ACP3: variants seen among roughly 807,000 people sequenced by gnomAD.
ACP3 encodes acid phosphatase 3.
Under a neutral mutation model 45.6 loss-of-function variants are expected in ACP3, and 38 were observed. The ratio of observed to expected loss-of-function variants is 0.83; its 90% confidence interval spans 0.64 to 1.09. ACP3 has a LOEUF of 1.09. Among genes scored for constraint, ACP3 ranks in the 50% least tolerant of loss-of-function variants. ACP3 has a pLI of 0.00. For synonymous variants in ACP3, 162 were observed against 164.7 expected (o/e 0.98, Z 0.13); for missense variants, 466 against 463.2 (o/e 1.01, Z -0.05).
At chr3:132,354,685 CA>C (rs1937838209) in intron 9 of ACP3, among the ~76,000 whole-genome samples, 1 of 152,158 alleles carries the variant, frequency 6.6e-6, no homozygotes, top group Admixed American at 6.5e-5. Context: ...GATTTTCAAC[CA>C]TCTTAAATAC....
In ACP3 at chr3:132,328,303, T is replaced by C. The variant is rs773049144; in HGVS notation, c.157T>C (p.Phe53Leu). Residue 53 changes from phenylalanine (F) to leucine (L), a missense_variant, in exon 2 of 10, where the codon TTT becomes CTT. By Grantham distance (22) the Phe-to-Leu change is conservative. Transcript: ENST00000336375. ...RHGDRSPIDTFPTDPIKESSW... is the reference protein window; with the variant it reads ...RHGDRSPIDTLPTDPIKESSW... ...TGGAGACCGAAGTCCCATTGACACC[T>C]TTCCCACTGACCCCATAAAGGAATC... The C allele has an allele frequency of 6.2e-7, 1 of 1,613,950 alleles. No homozygotes were observed. The highest frequency in any genetic ancestry group is 1.1e-5 in the South Asian group (1 of 91,084).
intron 7 of ACP3, among the ~76,000 whole-genome samples, chr3:132,346,684 T>G (rs574706366): frequency 2.6e-5 from 4 of 152,188 alleles, no homozygotes; most frequent in Non-Finnish European, 4.4e-5. Flanking sequence ...CTCAGCCTCA[T>G]TTCTGGCCCA....
intron 6 of ACP3, among the ~76,000 whole-genome samples, chr3:132,343,788 G>A (rs550373587): frequency 9.2e-5 from 14 of 152,174 alleles, no homozygotes; most frequent in African/African-American, 2.4e-4. Flanking sequence ...TTCATTTAAC[G>A]CATATTTACC....
intron 6 of ACP3, among the ~76,000 whole-genome samples, chr3:132,342,877 C>T (rs1480098026): frequency 6.7e-6 from 1 of 150,290 alleles, no homozygotes; most frequent in Non-Finnish European, 1.5e-5. Context: ...AGCAAAATTG[C>T]TTTTCTTCTA....
Position 132,324,189 on chromosome 3 carries a change from G to C in ACP3, c.121-4078G>C, listed in dbSNP as rs1315406879. ...GCCAAGATCATGCCATTGCACTCCA[G>C]CCTGGGCAACAAGAGCAGGACTCCA... is the stretch of plus-strand genomic sequence containing the variant. On this transcript the variant is annotated intron_variant, in intron 1 of 9. Coordinates refer to ENST00000336375, the MANE Select transcript of ACP3 (RefSeq NM_001099.5). Among the ~76,000 whole-genome samples, 16 of 143,450 alleles carry C rather than the reference G, an allele frequency of 1.1e-4. 2 individuals are homozygous for C. The highest frequency in any genetic ancestry group is 2.9e-4 in the Admixed American group (4 of 13,974). The allele number at this position is 143,450 out of a possible 152,430, so 94.1% of individuals were successfully genotyped here.
At chr3:132,348,620 A>G (rs942317216) in intron 7 of ACP3, among the ~76,000 whole-genome samples, 1 of 152,206 alleles carries the variant, frequency 6.6e-6, no homozygotes, top group South Asian at 2.1e-4. Flanking sequence ...AAGCTTGGCC[A>G]CAGAGTTTAG....
At chr3:132,366,557 C>T (rs929723517) in intron 10 of ACP3, among the ~76,000 whole-genome samples, 1 of 152,046 alleles carries the variant, frequency 6.6e-6, no homozygotes, top group Non-Finnish European at 1.5e-5. Context: ...AGGGAGTTTC[C>T]ATCAACTGAG....
At chr3:132,350,330 TC>T (rs1412183742) in intron 8 of ACP3, among the ~76,000 whole-genome samples, 7 of 152,288 alleles carry the variant, frequency 4.6e-5, no homozygotes, top group Admixed American at 1.3e-4. Context: ...AGGCAGCACA[TC>T]CAACACATCA....
chr3:132,332,465 C>A, intron 4 of ACP3, 121 bp downstream of exon 4: 1 of 1,166,886 alleles, frequency 8.6e-7, no homozygotes, highest in Non-Finnish European at 1.2e-6. Flanking sequence ...TTAATTCTTT[C>A]TTAAATAAAG....
intron 7 of ACP3, among the ~76,000 whole-genome samples, chr3:132,347,525 G>T (rs1576422214): frequency 6.6e-6 from 1 of 152,108 alleles, no homozygotes; most frequent in African/African-American, 2.4e-5. Context: ...TGTCCTCCAG[G>T]CTGGAGTGCA....
downstream of ACP3, among the ~76,000 whole-genome samples, chr3:132,359,892 C>G (rs1369430964): frequency 2.0e-5 from 3 of 152,100 alleles, no homozygotes; most frequent in Non-Finnish European, 4.4e-5. Flanking sequence ...GTATTTTCAC[C>G]AAAGAAATTA....
intron 7 of ACP3, among the ~76,000 whole-genome samples, chr3:132,349,223 A>G (rs1937662859): frequency 6.6e-6 from 1 of 152,220 alleles, no homozygotes. Flanking sequence ...TCACCACCTC[A>G]GGAGCAACAG....
intron 5 of ACP3, among the ~76,000 whole-genome samples, chr3:132,340,793 T>C (rs1937545451): frequency 6.6e-6 from 1 of 152,198 alleles, no homozygotes; most frequent in South Asian, 2.1e-4. Context: ...CTTTATAATA[T>C]GCTTTAATAT....
rs767178800 is a variant in ACP3 at position 132,345,009 on chromosome 3, T to A, written c.731T>A (p.Leu244Gln). Residue 244 changes from leucine (L) to glutamine (Q), a missense_variant, in exon 7 of 10, where the codon CTG becomes CAG. Coordinates refer to ENST00000336375, the MANE Select transcript of ACP3 (RefSeq NM_001099.5). ...AGAGAATTGTCAGAATTGTCCCTCC[T>A]GTCCCTCTATGGAATTCACAAGCAG... is the stretch of plus-strand genomic sequence containing the variant. ...KLRELSELSL[L>Q]SLYGIHKQKE... 4 of 1,613,772 alleles carry A rather than the reference T, an allele frequency of 2.5e-6. No homozygotes were observed. The Admixed American group carries it at 6.7e-5, about 27-fold the overall frequency.
At chr3:132,328,196 A>C (rs78007362) in intron 1 of ACP3, 71 bp from the exon 2 acceptor site, 2 of 1,225,214 alleles carry the variant, frequency 1.6e-6, no homozygotes, top group African/African-American at 3.1e-5. Flanking sequence ...AAAAAAAAAA[A>C]CTATTATAAT....
At chr3:132,360,381 C>A (rs1938018582), downstream of ACP3, among the ~76,000 whole-genome samples, 1 of 150,656 alleles carries the variant, frequency 6.6e-6, no homozygotes, top group Non-Finnish European at 1.5e-5. Flanking sequence ...GGAAGCAGGA[C>A]AAAATCATTA....
Position 132,328,282 on chromosome 3 carries a change from G to A in ACP3, c.136G>A (p.Asp46Asn). 6.2e-7 allele frequency: 1 copy of A among 1,613,688 alleles called. No homozygotes were observed. The highest frequency in any genetic ancestry group is 8.5e-7 in the Non-Finnish European group (1 of 1,179,770). The change falls in exon 2 of 10, where the codon GAC becomes AAC. Residue 46 changes from aspartate to asparagine, a missense_variant. Coordinates refer to ENST00000336375, the MANE Select transcript of ACP3 (RefSeq NM_001099.5). Reference protein sequence around the residue: ...KFVTLVFRHGDRSPIDTFPTD... With the variant: ...KFVTLVFRHGNRSPIDTFPTD... ...CTACTTTCAGGTGTTTCGGCATGGA[G>A]ACCGAAGTCCCATTGACACCTTTCC...
At chr3:132,364,323 G>A (rs769925528) in intron 10 of ACP3, among the ~76,000 whole-genome samples, 7 of 152,082 alleles carry the variant, frequency 4.6e-5, no homozygotes, top group African/African-American at 7.2e-5. Context: ...ACTCCAGCCT[G>A]AGCAATGCAG....
intron 2 of ACP3, 105 bp from the exon 3 acceptor site, chr3:132,331,542 G>A: frequency 1.3e-6 from 1 of 783,180 alleles, no homozygotes; most frequent in Non-Finnish European, 2.0e-6. Flanking sequence ...CCACACCATT[G>A]TTCATTCTAC....
Sources: allele counts gnomAD v4.1 joint callset (sites outside exome capture counted in the v4.1 genomes callset), GRCh38; gene constraint gnomAD v4.1.1; transcripts MANE v1.5; gene names NCBI Gene and HGNC (gene_info 2026-07-23, HGNC 2026-07-21).